SRL: variants seen among roughly 807,000 people sequenced by gnomAD.
SRL encodes the protein sarcalumenin.
A neutral mutation model predicts 39.5 loss-of-function variants in SRL; 23 were observed. That is an observed-to-expected ratio of 0.58 (90% confidence interval 0.42 to 0.82). SRL has a LOEUF of 0.82. Among genes scored for constraint, SRL ranks in the 40% least tolerant of loss-of-function variants. SRL has a pLI of 0.00. For missense variants in SRL, 592 were observed against 607.8 expected, an observed-to-expected ratio of 0.97 and a Z score of 0.27; for synonymous variants, 272 against 237.4, an observed-to-expected ratio of 1.15 and a Z score of -1.34.
intron 1 of SRL, among the ~76,000 whole-genome samples, chr16:4,220,296 C>CACACACAT (rs2052508964): frequency 6.6e-6 from 1 of 151,622 alleles, no homozygotes; most frequent in Non-Finnish European, 1.5e-5. Context: ...CACACACACA[C>CACACACAT]ACACACACAC....
At chr16:4,223,943 C>A (rs1046148337) in intron 1 of SRL, among the ~76,000 whole-genome samples, 2 of 152,158 alleles carry the variant, frequency 1.3e-5, no homozygotes, top group African/African-American at 2.4e-5. Flanking sequence ...CTAGGCCCAT[C>A]ATGGGTGGGG....
chr16:4,217,291 G>C (rs1037379966), intron 1 of SRL, among the ~76,000 whole-genome samples: 1 of 152,172 alleles, frequency 6.6e-6, no homozygotes, highest in African/African-American at 2.4e-5. Flanking sequence ...CTTAGAGACA[G>C]GGTCTTGCTC....
intron 4 of SRL, among the ~76,000 whole-genome samples, chr16:4,196,560 C>A (rs1329733622): frequency 1.3e-5 from 2 of 150,088 alleles, no homozygotes; most frequent in African/African-American, 4.9e-5. Flanking sequence ...CAGCTCACTG[C>A]AACCTCCGCC....
chr16:4,231,652 G>T (rs1395293678), intron 1 of SRL, among the ~76,000 whole-genome samples: 3 of 152,114 alleles, frequency 2.0e-5, no homozygotes, highest in Non-Finnish European at 2.9e-5. Flanking sequence ...ATGAGCAGGG[G>T]CTGTCTCCCC....
intron 1 of SRL, among the ~76,000 whole-genome samples, chr16:4,205,172 T>G (rs1597274747): frequency 6.6e-6 from 1 of 152,006 alleles, no homozygotes; most frequent in East Asian, 1.9e-4. Context: ...AAAAAAAACT[T>G]TCCAAGGAGT....
chr16:4,204,301 C>T (rs1046663687), intron 2 of SRL, among the ~76,000 whole-genome samples: 16 of 151,806 alleles, frequency 1.1e-4, no homozygotes, highest in South Asian at 2.1e-4. Flanking sequence ...TCCTCTGTGC[C>T]CACCTGGAAC....
At chr16:4,238,108 T>C (rs1033038885) in intron 1 of SRL, among the ~76,000 whole-genome samples, 3 of 152,178 alleles carry the variant, frequency 2.0e-5, no homozygotes, top group African/African-American at 4.8e-5. Flanking sequence ...GTTGAGGTGT[T>C]TGAATGACAG....
chr16:4,220,813 AC>A (rs1567185373), intron 1 of SRL, among the ~76,000 whole-genome samples: 1 of 151,074 alleles, frequency 6.6e-6, no homozygotes, highest in Non-Finnish European at 1.5e-5. Flanking sequence ...ACATAGTGGG[AC>A]CCCGAATATA....
chr16:4,202,913 A>G (rs191599258), intron 3 of SRL, among the ~76,000 whole-genome samples: 119 of 152,290 alleles, frequency 7.8e-4, no homozygotes, highest in African/African-American at 2.7e-3. Context: ...CTTAAAACCA[A>G]AATGCATCTG....
intron 1 of SRL, among the ~76,000 whole-genome samples, chr16:4,231,074 T>C (rs1369442438): frequency 1.3e-5 from 2 of 152,266 alleles, no homozygotes; most frequent in Non-Finnish European, 2.9e-5. Context: ...TCCCAGCACT[T>C]TGGGAGGCCA....
chr16:4,207,116 C>G (rs1249231877), intron 1 of SRL: 1 of 456,408 alleles, frequency 2.2e-6, no homozygotes, highest in Non-Finnish European at 4.4e-6. Flanking sequence ...GCTCCGTGGC[C>G]TCCTCGGAGG....
intron 3 of SRL, among the ~76,000 whole-genome samples, chr16:4,202,408 A>T (rs563194169): frequency 6.6e-6 from 1 of 152,148 alleles, no homozygotes; most frequent in Non-Finnish European, 1.5e-5. Context: ...CCTGGCTAAC[A>T]TGGTGAAACC....
intron 1 of SRL, among the ~76,000 whole-genome samples, chr16:4,228,331 G>A (rs1286360153): frequency 2.0e-5 from 3 of 152,228 alleles, no homozygotes; most frequent in African/African-American, 7.2e-5. Context: ...CAGCTACTCG[G>A]GAGGCTGAGG....
At chr16:4,232,446 G>A (rs1202241223) in intron 1 of SRL, among the ~76,000 whole-genome samples, 1 of 152,188 alleles carries the variant, frequency 6.6e-6, no homozygotes, top group East Asian at 1.9e-4. Flanking sequence ...GTGTAAGTTG[G>A]AGGCCCATCA....
At chr16:4,228,559 C>A (rs1207016900) in intron 1 of SRL, among the ~76,000 whole-genome samples, 1 of 151,836 alleles carries the variant, frequency 6.6e-6, no homozygotes, top group Non-Finnish European at 1.5e-5. Context: ...CACGGTGAAA[C>A]CCCGTCTCTA....
At chr16:4,208,498 C>G (rs1368114535) in intron 1 of SRL, among the ~76,000 whole-genome samples, 1 of 152,160 alleles carries the variant, frequency 6.6e-6, no homozygotes, top group Non-Finnish European at 1.5e-5. Context: ...ACCTTGCTCA[C>G]GGGCGTGTGC....
intron 1 of SRL, among the ~76,000 whole-genome samples, chr16:4,230,239 G>A (rs977754992): frequency 2.6e-5 from 4 of 152,112 alleles, no homozygotes; most frequent in Non-Finnish European, 5.9e-5. Context: ...TCAGCCAGGG[G>A]GGGCAACCCA....
Position 4,198,123 on chromosome 16 carries a change from G to T in SRL, c.260-208C>A, listed in dbSNP as rs1597268024. On this transcript the variant is annotated intron_variant, in intron 3 of 5. Transcript: ENST00000399609. ...GACACAGAAGTCACTTTTGGGCCTT[G>T]CCCAGATCCTTGGCACGTCTGCCCC... Among the ~76,000 whole-genome samples, 3 of 152,214 alleles carry T rather than the reference G, an allele frequency of 2.0e-5. No individual in the cohort carries two copies. The East Asian group carries it at 5.8e-4, about 29-fold the overall frequency.
At chr16:4,214,715 C>T (rs2052434781) in intron 1 of SRL, among the ~76,000 whole-genome samples, 5 of 152,066 alleles carry the variant, frequency 3.3e-5, no homozygotes, top group Admixed American at 3.3e-4. Context: ...CCTGTTTTTC[C>T]TTGACTTTAT....
Sources: allele counts gnomAD v4.1 joint callset (sites outside exome capture counted in the v4.1 genomes callset), GRCh38; gene constraint gnomAD v4.1.1; transcripts MANE v1.5; gene names NCBI Gene and HGNC (gene_info 2026-07-23, HGNC 2026-07-21).